Variants in GRAMD1C observed in about 807,000 individuals in gnomAD.
GRAMD1C encodes GRAM domain containing 1C.
A neutral mutation model predicts 97.8 loss-of-function variants in GRAMD1C; 89 were observed. That is an observed-to-expected ratio of 0.91 (90% CI 0.77 to 1.09). GRAMD1C has a LOEUF of 1.09. GRAMD1C is among the 50% of genes least tolerant of loss of function. GRAMD1C has a pLI of 0.00. For missense variants in GRAMD1C, 740 were observed against 766.4 expected, an observed-to-expected ratio of 0.97 and a Z score of 0.41; for synonymous variants, 256 against 267.0, an observed-to-expected ratio of 0.96 and a Z score of 0.40.
intron 10 of GRAMD1C, 23 bp from the exon 11 acceptor site, chr3:113,930,691 C>G (rs527761697): frequency 7.7e-6 from 9 of 1,169,686 alleles, no homozygotes; most frequent in Non-Finnish European, 1.2e-5. Context: ...AGAACTAACT[C>G]ATTTTGTGTT....
At chr3:113,920,567 G>A (rs1202169275) in intron 10 of GRAMD1C, among the ~76,000 whole-genome samples, 1 of 151,962 alleles carries the variant, frequency 6.6e-6, no homozygotes, top group African/African-American at 2.4e-5. Flanking sequence ...TTGAGAGGTA[G>A]TCACACTCTG....
At chr3:113,911,691 G>A (rs1455366121) in intron 9 of GRAMD1C, among the ~76,000 whole-genome samples, 1 of 9,518 alleles carries the variant, frequency 1.1e-4, no homozygotes, top group Admixed American at 7.2e-4. Flanking sequence ...TTCTCTCTCT[G>A]TTTCTTTCCT....
chr3:113,873,681 G>T (rs764057774), intron 3 of GRAMD1C, among the ~76,000 whole-genome samples: 40 of 152,066 alleles, frequency 2.6e-4, no homozygotes, highest in Non-Finnish European at 2.4e-4. Flanking sequence ...ACCATACCTG[G>T]CTAATTTTTG....
At chr3:113,858,148 G>C (rs1456615136) in intron 2 of GRAMD1C, among the ~76,000 whole-genome samples, 2 of 152,060 alleles carry the variant, frequency 1.3e-5, no homozygotes, top group African/African-American at 4.8e-5. Flanking sequence ...TTTTAATTGT[G>C]AACTTAATTT....
intron 5 of GRAMD1C, among the ~76,000 whole-genome samples, chr3:113,877,672 T>C (rs1406259727): frequency 6.6e-6 from 1 of 152,248 alleles, no homozygotes; most frequent in Admixed American, 6.5e-5. Flanking sequence ...CACATGATTT[T>C]AACTTCTACC....
rs1934985184 is a variant in GRAMD1C at position 113,875,422 on chromosome 3, A to G, written c.260-62A>G. On this transcript the variant is annotated intron_variant, in intron 3 of 17. Transcript: ENST00000358160. ...GACTTTCCATCTGTTGAAATATAGTATAAGGTCTATTAATTTCTCAGATTT... is the reference window on the plus strand; with the variant it reads ...GACTTTCCATCTGTTGAAATATAGTGTAAGGTCTATTAATTTCTCAGATTT... 10 of 774,122 alleles carry G rather than the reference A, an allele frequency of 1.3e-5. No homozygotes were observed. The East Asian group carries it at 2.2e-4, about 17-fold the overall frequency. 48.0% of individuals were successfully genotyped at this position (774,122 alleles called of 1,614,324 possible).
chr3:113,927,810 C>T (rs4422272), intron 10 of GRAMD1C, among the ~76,000 whole-genome samples: 43,095 of 152,052 alleles, frequency 0.28, 6,682 homozygotes, highest in East Asian at 0.4. Context: ...TGAAGGCTAG[C>T]ACCAAGTCTT....
At chr3:113,858,168 G>C (rs1038412768) in intron 2 of GRAMD1C, among the ~76,000 whole-genome samples, 1 of 151,972 alleles carries the variant, frequency 6.6e-6, no homozygotes, top group Non-Finnish European at 1.5e-5. Flanking sequence ...TCCTTAATTT[G>C]TAATGGTAGT....
Position 113,909,089 on chromosome 3 carries a change from CA to C in GRAMD1C, c.925del (p.Ser309AlafsTer54). The C allele has an allele frequency of 6.5e-7, 1 of 1,545,248 alleles. No homozygotes were observed. Among genetic ancestry groups the C allele is most frequent in the Non-Finnish European group, 8.7e-7 (1 of 1,145,816 alleles). On this transcript the variant is annotated frameshift_variant, in exon 9 of 18. Transcript: ENST00000358160. LOFTEE classifies it high-confidence loss of function. ...ATAAAAATGAATATCTTTCTCTGGA[CA>C]AAAGCAGCACTTCAGATTCTGTTGA... ...LNKNEYLSLD[K>X]SSTSDSVDEE...
At chr3:113,902,027 G>C (rs1483500317) in intron 7 of GRAMD1C, among the ~76,000 whole-genome samples, 2 of 152,110 alleles carry the variant, frequency 1.3e-5, no homozygotes, top group African/African-American at 4.8e-5. Context: ...TGATGACAAT[G>C]TTCTACAATT....
At chr3:113,926,082 T>C (rs142360860) in intron 10 of GRAMD1C, among the ~76,000 whole-genome samples, 35 of 152,270 alleles carry the variant, frequency 2.3e-4, no homozygotes, top group African/African-American at 8.4e-4. Flanking sequence ...ATTTCCTGCA[T>C]TTGAATGTTG....
chr3:113,857,532 C>T (rs951313986), intron 2 of GRAMD1C, among the ~76,000 whole-genome samples: 2 of 151,992 alleles, frequency 1.3e-5, no homozygotes, highest in Non-Finnish European at 1.5e-5. Context: ...CCCACCACCA[C>T]GCCTGGCTAA....
In GRAMD1C at chr3:113,915,836, T is replaced by C. The variant is rs1280556854; in HGVS notation, c.1088T>C (p.Ile363Thr). Residue 363 changes from isoleucine to threonine, a missense_variant and splice_region_variant, in exon 10 of 18, where the codon ATA becomes ACA. By Grantham distance (89) the Ile-to-Thr change is moderately conservative. Transcript: ENST00000358160. ...MQKFASSRNI[I>T]DVVSTPWTAE... ...AAATTTGCCAGTTCTAGAAATATAA[T>C]AGGTTAGTCCTTGTGTTCTTACCTA... 4 of 1,606,200 alleles carry C rather than the reference T, an allele frequency of 2.5e-6. No individual in the cohort carries two copies. The highest frequency in any genetic ancestry group is 3.3e-5 in the Admixed American group (2 of 59,858).
chr3:113,882,097 T>G (rs139122777), intron 5 of GRAMD1C, among the ~76,000 whole-genome samples: 28 of 152,294 alleles, frequency 1.8e-4, no homozygotes, highest in Admixed American at 5.2e-4. Context: ...AGTGCTGTCT[T>G]GTTGCATTTT....
intron 6 of GRAMD1C, among the ~76,000 whole-genome samples, chr3:113,886,931 G>T (rs747118139): frequency 6.6e-6 from 1 of 151,030 alleles, no homozygotes; most frequent in Non-Finnish European, 1.5e-5. Flanking sequence ...ATAGGCATGC[G>T]CCACCACGCC....
intron 1 of GRAMD1C, among the ~76,000 whole-genome samples, chr3:113,833,484 C>G (rs1389885892): frequency 1.3e-5 from 2 of 151,960 alleles, no homozygotes; most frequent in East Asian, 3.9e-4. Context: ...CCAACATTCC[C>G]CCACCAACAC....
rs77919463 is a variant in GRAMD1C at position 113,865,326 on chromosome 3, G to A, written c.175-4181G>A. 1.9e-3 allele frequency among the ~76,000 whole-genome samples: 289 copies of A among 152,134 alleles called. 1 individual carries two copies. The highest frequency in any genetic ancestry group is 6.6e-3 in the African/African-American group (272 of 41,496). ...ACCAAGCTGCAACATGAGTGTTGAC[G>A]GGGACAAACCATATTCAAACCATAG... On this transcript the variant is annotated intron_variant, in intron 2 of 17. Transcript: ENST00000358160.
chr3:113,890,863 A>C, intron 6 of GRAMD1C: 1 of 586,550 alleles, frequency 1.7e-6, no homozygotes. Context: ...CACTTTAATG[A>C]AGAAGAAAGC....
chr3:113,885,930 A>G, intron 6 of GRAMD1C: 2 of 1,612,794 alleles, frequency 1.2e-6, no homozygotes, highest in Non-Finnish European at 1.7e-6. Flanking sequence ...CCCCAGCGAC[A>G]CAGCCCTTCT....
Sources: allele counts gnomAD v4.1 joint callset (sites outside exome capture counted in the v4.1 genomes callset), GRCh38; gene constraint gnomAD v4.1.1; transcripts MANE v1.5; gene names NCBI Gene and HGNC (gene_info 2026-07-23, HGNC 2026-07-21).